Variants in CTIF observed in about 807,000 individuals in gnomAD.
CTIF encodes the protein CBP80/20-dependent translation initiation factor.
In CTIF, 21 loss-of-function variants were observed where a neutral mutation model predicts 66.0. The ratio of observed to expected loss-of-function variants is 0.32; its 90% CI spans 0.23 to 0.46. The LOEUF is 0.46. CTIF is among the 20% of genes least tolerant of loss of function. The probability of loss-of-function intolerance (pLI) is 1.00; values close to 1 mark genes in which losing one functional copy is unlikely to be tolerated. For synonymous variants in CTIF, 345 were observed against 326.4 expected, an observed-to-expected ratio of 1.06 and a Z score of -0.62; for missense variants, 739 against 812.7, an observed-to-expected ratio of 0.91 and a Z score of 1.10.
intron 1 of CTIF, among the ~76,000 whole-genome samples, chr18:48,612,924 G>A (rs1471942943): frequency 1.3e-5 from 2 of 152,310 alleles, no homozygotes; most frequent in East Asian, 3.9e-4. Context: ...GGTGTCAGAA[G>A]GGTGTGCTGC....
intron 1 of CTIF, among the ~76,000 whole-genome samples, chr18:48,579,298 A>G (rs975230153): frequency 3.3e-5 from 5 of 151,892 alleles, no homozygotes; most frequent in African/African-American, 1.2e-4. Flanking sequence ...AGTGCATGCT[A>G]CCATGCCTGG....
intron 2 of CTIF, among the ~76,000 whole-genome samples, chr18:48,632,749 C>A (rs1199920408): frequency 6.6e-6 from 1 of 152,176 alleles, no homozygotes; most frequent in Non-Finnish European, 1.5e-5. Context: ...TCCCTTACAG[C>A]CCCTGCCGAG....
intron 1 of CTIF, among the ~76,000 whole-genome samples, chr18:48,543,299 C>T (rs1212135689): frequency 2.0e-5 from 3 of 152,172 alleles, no homozygotes; most frequent in Non-Finnish European, 4.4e-5. Context: ...GAATTCTCCA[C>T]ACGTGGTGGC....
chr18:48,730,649 AGGGGCTTCTGC>A lies in CTIF; in HGVS notation c.584+18957_584+18967del, dbSNP rs1356756733. Among the ~76,000 whole-genome samples, 185 of 136,988 alleles carry A rather than the reference AGGGGCTTCTGC, an allele frequency of 1.4e-3. 10 individuals are homozygous for A. The highest frequency in any genetic ancestry group is 2.2e-3 in the Non-Finnish European group (136 of 62,590). The allele number at this position is 136,988 out of a possible 152,430, so 89.9% of individuals were successfully genotyped here. A position where few individuals can be genotyped will look rare whatever the true frequency, so the allele number is the denominator to read the frequency against. ...CGGTGTGAGGGGCCCCTGTGGTGTG[AGGGGCTTCTGC>A]GGTGTGAGGGGCTTCTGCGGTGTGA... is the stretch of plus-strand genomic sequence containing the variant. On this transcript the variant is annotated intron_variant, in intron 7 of 11. Transcript: ENST00000256413.
intron 1 of CTIF, among the ~76,000 whole-genome samples, chr18:48,550,526 A>G (rs1448124661): frequency 2.0e-5 from 3 of 152,202 alleles, no homozygotes; most frequent in Non-Finnish European, 4.4e-5. Flanking sequence ...ACATGCAAAC[A>G]GCCCAGGCCG....
chr18:48,572,966 C>G (rs957945427), intron 1 of CTIF, among the ~76,000 whole-genome samples: 9 of 151,958 alleles, frequency 5.9e-5, no homozygotes, highest in African/African-American at 2.2e-4. Flanking sequence ...GTACTCCAGC[C>G]TGGGCAAAAG....
intron 10 of CTIF, among the ~76,000 whole-genome samples, chr18:48,828,735 C>G (rs529338128): frequency 1.3e-5 from 2 of 152,240 alleles, no homozygotes; most frequent in African/African-American, 2.4e-5. Flanking sequence ...GACGCACCCT[C>G]GGGCATGGGC....
chr18:48,613,939 C>G (rs982300315), intron 1 of CTIF, among the ~76,000 whole-genome samples: 5 of 152,332 alleles, frequency 3.3e-5, no homozygotes, highest in African/African-American at 1.2e-4. Context: ...AGCATTTTTC[C>G]TACTCCTGCT....
chr18:48,660,057 G>A (rs924834039), intron 3 of CTIF, among the ~76,000 whole-genome samples: 2 of 150,142 alleles, frequency 1.3e-5, no homozygotes, highest in Admixed American at 6.6e-5. Flanking sequence ...GGTTGCCACC[G>A]TGACTCCACC....
chr18:48,679,748 G>T (rs1429000636), intron 6 of CTIF, among the ~76,000 whole-genome samples: 1 of 152,136 alleles, frequency 6.6e-6, no homozygotes, highest in African/African-American at 2.4e-5. Flanking sequence ...GAGGTTTCTT[G>T]GTTTTTTGGG....
intron 10 of CTIF, among the ~76,000 whole-genome samples, chr18:48,847,315 A>G: frequency 6.6e-6 from 1 of 152,156 alleles, no homozygotes; most frequent in East Asian, 1.9e-4. Context: ...TCAAAAAAAA[A>G]AAAAAAAAAA....
chr18:48,672,586 G>A (rs995846215), intron 6 of CTIF, among the ~76,000 whole-genome samples: 9 of 152,096 alleles, frequency 5.9e-5, no homozygotes, highest in Non-Finnish European at 1.0e-4. Flanking sequence ...ATAGATAAGC[G>A]GGCTTCCTAG....
chr18:48,716,873 C>T (rs2092286899), intron 7 of CTIF, among the ~76,000 whole-genome samples: 1 of 152,210 alleles, frequency 6.6e-6, no homozygotes, highest in African/African-American at 2.4e-5. Context: ...GGTTAATTTA[C>T]TCCATGTGCA....
At chr18:48,755,123 G>A (rs767210844) in intron 7 of CTIF, among the ~76,000 whole-genome samples, 5 of 152,168 alleles carry the variant, frequency 3.3e-5, no homozygotes, top group Non-Finnish European at 4.4e-5. Flanking sequence ...AGCTGCAGGC[G>A]CCACAAAAAT....
In CTIF at chr18:48,703,178, A is replaced by G. The variant is rs372400972; in HGVS notation, c.508-8441A>G. 3.2e-3 allele frequency among the ~76,000 whole-genome samples: 488 copies of G among 152,314 alleles called. 2 individuals carry two copies. Among genetic ancestry groups the G allele is most frequent in the African/African-American group, 0.011 (463 of 41,570 alleles). ...GGGCTCATGCTCTCTGGGTATGCCC[A>G]GGGAGTGACAGAAACCTGATGTAAT... On this transcript the variant is annotated intron_variant, in intron 6 of 11. Transcript: ENST00000256413.
chr18:48,644,861 T>C (rs1029328213), intron 3 of CTIF, among the ~76,000 whole-genome samples: 2 of 152,216 alleles, frequency 1.3e-5, no homozygotes, highest in African/African-American at 4.8e-5. Context: ...GCATTGCACC[T>C]GGGTTTAGGA....
chr18:48,655,237 C>T (rs1016158026), intron 3 of CTIF, among the ~76,000 whole-genome samples: 6 of 148,074 alleles, frequency 4.1e-5, no homozygotes, highest in Admixed American at 2.0e-4. Flanking sequence ...CCTGGGAGGC[C>T]GAGGTTGCAG....
At chr18:48,587,878 G>A (rs2089806138) in intron 1 of CTIF, among the ~76,000 whole-genome samples, 2 of 152,298 alleles carry the variant, frequency 1.3e-5, no homozygotes, top group Admixed American at 6.5e-5. Context: ...TTTTACGTGT[G>A]TCTGAAAAGA....
Position 48,761,149 on chromosome 18 carries a change from G to A in CTIF, c.1072-241G>A. 2.1e-6 allele frequency: 1 copy of A among 480,228 alleles called. No homozygotes were observed. Among genetic ancestry groups the A allele is most frequent in the South Asian group, 4.3e-5 (1 of 23,394 alleles). The allele number at this position is 480,228 out of a possible 1,614,324, so 29.7% of individuals were successfully genotyped here. A position where few individuals can be genotyped will look rare whatever the true frequency, so the allele number is the denominator to read the frequency against. On this transcript the variant is annotated intron_variant, in intron 8 of 11. Coordinates refer to ENST00000256413, the MANE Select transcript of CTIF (RefSeq NM_014772.3). The surrounding 1 kb of genome is among the most constrained non-coding windows in gnomAD (Gnocchi z 4.2). ...CAATGTATATGAGAATCCTGGGTAG[G>A]AGCTAGAACCCAAAAACAGTATCAG...
Sources: gnomAD v4.1 joint callset for allele counts (sites outside exome capture counted in the v4.1 genomes callset) on GRCh38, gnomAD v4.1.1 for gene constraint, Gnocchi (gnomAD v3.1) non-coding constraint, MANE v1.5 for transcripts, NCBI Gene and HGNC (gene_info 2026-07-23, HGNC 2026-07-21) for gene names.